PHF20: variants seen among roughly 807,000 people sequenced by gnomAD.
PHF20 encodes glioma-expressed antigen 2.
PHF20 carries 23 observed loss-of-function variants against 113.5 expected under a neutral mutation model. The ratio of observed to expected loss-of-function variants is 0.20; its 90% confidence interval spans 0.15 to 0.29. The LOEUF (loss-of-function observed/expected upper bound fraction) is 0.29. PHF20 is among the 10% of genes least tolerant of loss of function. PHF20 has a pLI of 1.00. For synonymous variants in PHF20, 434 were observed against 457.3 expected, an observed-to-expected ratio of 0.95 and a Z score of 0.65; for missense variants, 943 against 1,219.6, an observed-to-expected ratio of 0.77 and a Z score of 3.38.
intron 9 of PHF20, among the ~76,000 whole-genome samples, chr20:35,894,854 AGTTTTT>A (rs2054948160): frequency 6.6e-6 from 1 of 152,018 alleles, no homozygotes; most frequent in South Asian, 2.1e-4. Flanking sequence ...CAAGAGTGCA[AGTTTTT>A]GTTTTTGTTT....
At chr20:35,772,795 G>A (rs1237450675) in intron 1 of PHF20, among the ~76,000 whole-genome samples, 1 of 151,956 alleles carries the variant, frequency 6.6e-6, no homozygotes, top group Non-Finnish European at 1.5e-5. Context: ...TCAGATCTGG[G>A]GTCCATTAGC....
chr20:35,785,751 A>T (rs959082906), intron 1 of PHF20, among the ~76,000 whole-genome samples: 3 of 152,108 alleles, frequency 2.0e-5, no homozygotes, highest in East Asian at 3.9e-4. Context: ...TAATATGGTG[A>T]TATTTCAATT....
chr20:35,807,144 A>G lies in PHF20; in HGVS notation c.83+5539A>G, dbSNP rs142560110. 2.8e-4 allele frequency among the ~76,000 whole-genome samples: 42 copies of G among 152,132 alleles called. 2 individuals carry two copies. The highest frequency in any genetic ancestry group is 1.0e-3 in the African/African-American group (42 of 41,514). Reference sequence around the variant, plus strand: ...TTTGTAGTATTGTTGAGTGTCTTGAAAAGTGTTTTTGGAGTTTTGAAGTAA... The same window carrying G: ...TTTGTAGTATTGTTGAGTGTCTTGAGAAGTGTTTTTGGAGTTTTGAAGTAA... On this transcript the variant is annotated intron_variant, in intron 2 of 17. Coordinates refer to ENST00000374012, the MANE Select transcript of PHF20 (RefSeq NM_016436.5).
chr20:35,805,568 C>T (rs1219638270), intron 2 of PHF20, among the ~76,000 whole-genome samples: 7 of 151,378 alleles, frequency 4.6e-5, no homozygotes, highest in African/African-American at 1.5e-4. Context: ...AGATTTACCT[C>T]GTGATCTGCC....
chr20:35,844,403 G>C, intron 3 of PHF20, among the ~76,000 whole-genome samples: 1 of 135,074 alleles, frequency 7.4e-6, no homozygotes, highest in Admixed American at 7.5e-5. Context: ...CGCCCAGCCG[G>C]TTTTTTTTTT....
At chr20:35,861,129 G>A (rs547492336) in intron 5 of PHF20, among the ~76,000 whole-genome samples, 13 of 151,230 alleles carry the variant, frequency 8.6e-5, no homozygotes, top group African/African-American at 2.4e-4. Context: ...AAGGTTTTTC[G>A]TATACTATTG....
At chr20:35,817,183 G>A (rs1313005760) in intron 2 of PHF20, among the ~76,000 whole-genome samples, 4 of 149,990 alleles carry the variant, frequency 2.7e-5, no homozygotes, top group East Asian at 3.9e-4. Context: ...TTTTATTTCC[G>A]CATTTATTTA....
chr20:35,898,880 G>A (rs1187897214), intron 9 of PHF20, among the ~76,000 whole-genome samples: 1 of 152,090 alleles, frequency 6.6e-6, no homozygotes, highest in Non-Finnish European at 1.5e-5. Context: ...CAAAGTGCTG[G>A]GATTACAGGT....
intron 1 of PHF20, chr20:35,800,275 T>C (rs1038597929): frequency 1.5e-4 from 23 of 151,800 alleles, no homozygotes; most frequent in African/African-American, 5.1e-4. Context: ...AAGTAGGAAA[T>C]ATAGCTGGGC....
chr20:35,848,843 C>T lies in PHF20; in HGVS notation c.340+1409C>T, dbSNP rs184626820. Among the ~76,000 whole-genome samples, 7 of 143,258 alleles carry T rather than the reference C, an allele frequency of 4.9e-5. No homozygotes were observed. In the East Asian group the frequency reaches 8.0e-4, roughly 16 times the overall value. The allele number at this position is 143,258 out of a possible 152,430, so 94.0% of individuals were successfully genotyped here. A position where few individuals can be genotyped will look rare whatever the true frequency, so the allele number is the denominator to read the frequency against. On this transcript the variant is annotated intron_variant, in intron 4 of 17. Transcript: ENST00000374012. ...TTGTACTCCAGCCTGGGCAGCAGAA[C>T]GAGACTCTGTCTCTTAAAAAAAAAA...
chr20:35,781,291 G>A (rs2041290267), intron 1 of PHF20, among the ~76,000 whole-genome samples: 1 of 151,618 alleles, frequency 6.6e-6, no homozygotes, highest in Admixed American at 6.6e-5. Flanking sequence ...TTATAGGCCT[G>A]CACCACCACA....
intron 9 of PHF20, among the ~76,000 whole-genome samples, chr20:35,872,975 G>A (rs1355210407): frequency 1.3e-5 from 2 of 151,990 alleles, no homozygotes; most frequent in African/African-American, 4.8e-5. Flanking sequence ...GTCTAGTTCT[G>A]TCAATTTCTA....
Position 35,899,520 on chromosome 20 carries a change from G to T in PHF20, c.1433G>T (p.Gly478Val). 1 of 1,614,180 alleles carries T rather than the reference G, an allele frequency of 6.2e-7. No individual in the cohort carries two copies. Among genetic ancestry groups the T allele is most frequent in the Non-Finnish European group, 8.5e-7 (1 of 1,180,028 alleles). Residue 478 changes from glycine to valine, a missense_variant, in exon 10 of 18, where the codon GGA becomes GTA. Around this residue, in one of 3 missense-constraint regions of PHF20, gnomAD observed 592 missense variants for 787.2 expected, o/e 0.75. Transcript: ENST00000374012. ...CACTATCACATGAAGTATTTCCATG[G>T]AATGGAGAAGTCACTGGAGCCAGAA... ...LLHYHMKYFHGMEKSLEPEES... is the reference protein window; with the variant it reads ...LLHYHMKYFHVMEKSLEPEES...
chr20:35,870,093 G>A (rs1021725855), intron 7 of PHF20, among the ~76,000 whole-genome samples: 1 of 151,490 alleles, frequency 6.6e-6, no homozygotes, highest in Non-Finnish European at 1.5e-5. Flanking sequence ...TCATGAGGAC[G>A]GGAGATTGAG....
In PHF20 at chr20:35,920,587, C is replaced by G. The variant is rs566302386; in HGVS notation, c.2004+2925C>G. ...ATGATTTGAACCCAGGGCACCCAGT[C>G]AAGTGCTCTTTCCCTATGCGGCCTT... On this transcript the variant is annotated intron_variant, in intron 13 of 17. Coordinates refer to ENST00000374012, the MANE Select transcript of PHF20 (RefSeq NM_016436.5). Among the ~76,000 whole-genome samples the G allele has an allele frequency of 3.9e-5, 6 of 152,250 alleles. No homozygotes were observed. In the South Asian group the frequency reaches 1.2e-3, roughly 32 times the overall value.
intron 2 of PHF20, 67 bp from the exon 3 acceptor site, chr20:35,842,506 C>T (rs2146937114): frequency 7.3e-7 from 1 of 1,373,282 alleles, no homozygotes; most frequent in South Asian, 1.3e-5. Flanking sequence ...GGAAATGTAC[C>T]ATTATGGATA....
At chr20:35,886,519 AT>A (rs2054736235) in intron 9 of PHF20, among the ~76,000 whole-genome samples, 1 of 152,176 alleles carries the variant, frequency 6.6e-6, no homozygotes, top group Non-Finnish European at 1.5e-5. Context: ...ATTATGTGAA[AT>A]ATATATCAAA....
chr20:35,809,302 G>A (rs1600762865), intron 2 of PHF20, among the ~76,000 whole-genome samples: 1 of 152,014 alleles, frequency 6.6e-6, no homozygotes, highest in East Asian at 1.9e-4. Context: ...TTCTGGGCCT[G>A]GTGTGGTGGC....
chr20:35,823,341 C>A (rs2042203841), intron 2 of PHF20, among the ~76,000 whole-genome samples: 1 of 150,692 alleles, frequency 6.6e-6, no homozygotes, highest in Non-Finnish European at 1.5e-5. Flanking sequence ...TGACTCATGC[C>A]TATAATCCCA....
Sources: gnomAD v4.1 joint callset for allele counts (sites outside exome capture counted in the v4.1 genomes callset) on GRCh38, gnomAD v4.1.1 for gene constraint, gnomAD v4.1.1 regional missense constraint, MANE v1.5 for transcripts, NCBI Gene and HGNC (gene_info 2026-07-23, HGNC 2026-07-21) for gene names.